Variants in HIPK3 observed in about 807,000 individuals in gnomAD.
HIPK3 encodes homeodomain interacting protein kinase 3.
Under a neutral mutation model 124.2 loss-of-function variants are expected in HIPK3, and 47 were observed. The observed-to-expected ratio is 0.38, with a 90% confidence interval of 0.30 to 0.48. HIPK3 has a LOEUF of 0.48. HIPK3 is among the 20% of genes least tolerant of loss of function. The pLI, the probability that HIPK3 is intolerant of heterozygous loss-of-function variation, is 0.98. For missense variants in HIPK3, 1,286 were observed against 1,454.3 expected, an observed-to-expected ratio of 0.88 and a Z score of 1.88; for synonymous variants, 482 against 515.2, an observed-to-expected ratio of 0.94 and a Z score of 0.87.
At chr11:33,290,537 G>GT (rs1450749567) in intron 2 of HIPK3, among the ~76,000 whole-genome samples, 1 of 151,216 alleles carries the variant, frequency 6.6e-6, no homozygotes, top group East Asian at 1.9e-4. Flanking sequence ...TCACTTGCTA[G>GT]TAAATGACTT....
intron 2 of HIPK3, among the ~76,000 whole-genome samples, chr11:33,313,734 G>C (rs189124780): frequency 6.6e-6 from 1 of 152,166 alleles, no homozygotes; most frequent in African/African-American, 2.4e-5. Flanking sequence ...GTGCTCCAGA[G>C]CACCATGAGA....
At chr11:33,305,224 A>T (rs1383571985) in intron 2 of HIPK3, among the ~76,000 whole-genome samples, 1 of 151,816 alleles carries the variant, frequency 6.6e-6, no homozygotes, top group South Asian at 2.1e-4. Context: ...TTGGTCTCGA[A>T]CTCCTGACCT....
chr11:33,280,911 A>G (rs976031748), intron 1 of HIPK3, among the ~76,000 whole-genome samples: 2 of 152,080 alleles, frequency 1.3e-5, no homozygotes, highest in African/African-American at 4.8e-5. Context: ...TGGTTTTTGT[A>G]TAGACGAGAT....
intron 1 of HIPK3, among the ~76,000 whole-genome samples, chr11:33,279,193 A>G (rs1463158404): frequency 6.6e-6 from 1 of 151,560 alleles, no homozygotes; most frequent in Non-Finnish European, 1.5e-5. Context: ...GTATGCCTAT[A>G]ATCCCAGCTA....
chr11:33,280,209 A>G (rs772859277), intron 1 of HIPK3, among the ~76,000 whole-genome samples: 2 of 152,220 alleles, frequency 1.3e-5, no homozygotes, highest in Non-Finnish European at 2.9e-5. Flanking sequence ...TTCTTAGTTG[A>G]TAAGAACAAT....
chr11:33,293,865 CA>C (rs770212564), intron 2 of HIPK3, among the ~76,000 whole-genome samples: 1 of 151,472 alleles, frequency 6.6e-6, no homozygotes, highest in Non-Finnish European at 1.5e-5. Context: ...AGACAAAGAA[CA>C]AAAAAAAGTA....
In HIPK3 at chr11:33,287,258, T is replaced by G. The variant is rs1851582072; in HGVS notation, c.844T>G (p.Leu282Val). ...CLVFEMLEQN[L>V]YDFLKQNKFS... ...AGTCTTTGAGATGCTGGAACAAAACTTGTATGACTTTCTGAAACAAAATAA... is the reference window on the plus strand; with the variant it reads ...AGTCTTTGAGATGCTGGAACAAAACGTGTATGACTTTCTGAAACAAAATAA... The change falls in exon 2 of 17, where the codon TTG becomes GTG. Residue 282 changes from leucine (L) to valine (V), a missense_variant. Coordinates refer to ENST00000303296, the MANE Select transcript of HIPK3 (RefSeq NM_005734.5). 2 of 1,614,126 alleles carry G rather than the reference T, an allele frequency of 1.2e-6. No individual in the cohort carries two copies. Among genetic ancestry groups the G allele is most frequent in the Non-Finnish European group, 1.7e-6 (2 of 1,180,020 alleles).
chr11:33,260,399 G>A (rs1850791438), intron 1 of HIPK3, among the ~76,000 whole-genome samples: 1 of 152,160 alleles, frequency 6.6e-6, no homozygotes, highest in African/African-American at 2.4e-5. Flanking sequence ...GGAGGAAAGG[G>A]AAAATGTAAA....
At chr11:33,290,216 T>A (rs576451131) in intron 2 of HIPK3, among the ~76,000 whole-genome samples, 1 of 152,352 alleles carries the variant, frequency 6.6e-6, no homozygotes, top group African/African-American at 2.4e-5. Flanking sequence ...TAGATACCAT[T>A]AAAACTTTTC....
chr11:33,330,380 G>A (rs1345163106), intron 3 of HIPK3, among the ~76,000 whole-genome samples: 2 of 152,154 alleles, frequency 1.3e-5, no homozygotes, highest in African/African-American at 4.8e-5. Flanking sequence ...CCAGGCTGGA[G>A]TGCAGTGGCG....
chr11:33,351,990 C>A, intron 15 of HIPK3, 147 bp downstream of exon 15: 2 of 992,644 alleles, frequency 2.0e-6, no homozygotes, highest in Non-Finnish European at 3.0e-6. Context: ...CTAGTATTAT[C>A]CAGTGCTTGG....
intron 3 of HIPK3, among the ~76,000 whole-genome samples, chr11:33,330,820 T>G (rs1042841749): frequency 1.3e-5 from 2 of 152,062 alleles, no homozygotes; most frequent in Non-Finnish European, 2.9e-5. Context: ...TAACTTGGTT[T>G]AGGACTTTCA....
intron 2 of HIPK3, among the ~76,000 whole-genome samples, chr11:33,296,235 C>T (rs955267145): frequency 2.6e-5 from 4 of 152,208 alleles, no homozygotes; most frequent in Middle Eastern, 3.4e-3. Flanking sequence ...GTGGTATGGC[C>T]GCATCCTTTC....
intron 1 of HIPK3, among the ~76,000 whole-genome samples, chr11:33,270,839 C>CA (rs1851105448): frequency 6.6e-6 from 1 of 151,966 alleles, no homozygotes; most frequent in Non-Finnish European, 1.5e-5. Flanking sequence ...TAAGAGGAAA[C>CA]ATTGTTATAT....
intron 1 of HIPK3, among the ~76,000 whole-genome samples, chr11:33,274,648 AT>A (rs546878586): frequency 6.6e-6 from 1 of 152,016 alleles, no homozygotes; most frequent in Non-Finnish European, 1.5e-5. Context: ...TCCATTTCTG[AT>A]TTTTTATTTT....
rs561177124 is a variant in HIPK3 at position 33,266,758 on chromosome 11, T to G, written c.-3+8869T>G. Among the ~76,000 whole-genome samples, 5 of 152,306 alleles carry G rather than the reference T, an allele frequency of 3.3e-5. No homozygotes were observed. In the South Asian group the frequency reaches 6.2e-4, roughly 19 times the overall value. On this transcript the variant is annotated intron_variant, in intron 1 of 16. Transcript: ENST00000303296. Reference sequence around the variant, plus strand: ...CAAAAAACCCTAATTTTTAACTTTATTCATTTTTTTTTAAACTTTGCCAAG... The same window carrying G: ...CAAAAAACCCTAATTTTTAACTTTAGTCATTTTTTTTTAAACTTTGCCAAG...
At chr11:33,328,333 C>A (rs1190968396) in intron 2 of HIPK3, among the ~76,000 whole-genome samples, 177 bp from the exon 3 acceptor site, 1 of 151,954 alleles carries the variant, frequency 6.6e-6, no homozygotes, top group Non-Finnish European at 1.5e-5. Context: ...CTCATAGTAC[C>A]CCTTTCAGAT....
intron 1 of HIPK3, among the ~76,000 whole-genome samples, chr11:33,277,040 A>C (rs934276666): frequency 1.3e-5 from 2 of 152,188 alleles, no homozygotes; most frequent in Admixed American, 1.3e-4. Flanking sequence ...CAATTACTAA[A>C]ATAGGTTATT....
intron 2 of HIPK3, among the ~76,000 whole-genome samples, chr11:33,316,019 A>AT (rs1194760354): frequency 1.3e-5 from 2 of 152,220 alleles, no homozygotes; most frequent in African/African-American, 4.8e-5. Context: ...CTTTGATTAC[A>AT]TTTCAACATG....
Sources: allele counts gnomAD v4.1 joint callset (sites outside exome capture counted in the v4.1 genomes callset), GRCh38; gene constraint gnomAD v4.1.1; transcripts MANE v1.5; gene names NCBI Gene and HGNC (gene_info 2026-07-23, HGNC 2026-07-21).